PRMT8: variants seen among roughly 807,000 people sequenced by gnomAD.
PRMT8 encodes the protein protein arginine N-methyltransferase 8.
Under a neutral mutation model 47.1 loss-of-function variants are expected in PRMT8, and 7 were observed. The ratio of observed to expected loss-of-function variants is 0.15; its 90% CI spans 0.08 to 0.28. The LOEUF is 0.28. PRMT8 is among the 10% of genes least tolerant of loss of function. PRMT8 has a pLI of 1.00. For synonymous variants in PRMT8, 188 were observed against 186.5 expected (o/e 1.01, Z -0.07); for missense variants, 237 against 505.4 (o/e 0.47, Z 5.09).
chr12:3,553,775 T>G, intron 4 of PRMT8, 61 bp downstream of exon 4: 1 of 1,450,782 alleles, frequency 6.9e-7, no homozygotes, highest in Non-Finnish European at 9.7e-7. Flanking sequence ...CACACTTTCT[T>G]GTTGGGATGG....
chr12:3,465,229 A>AAT (rs892995214), intron 1 of PRMT8, among the ~76,000 whole-genome samples: 2 of 142,774 alleles, frequency 1.4e-5, no homozygotes, highest in African/African-American at 2.6e-5. Flanking sequence ...ATAAATATAA[A>AAT]ATATATATAT....
intron 8 of PRMT8, among the ~76,000 whole-genome samples, chr12:3,584,042 A>G (rs1867121799): frequency 6.6e-6 from 1 of 152,158 alleles, no homozygotes; most frequent in African/African-American, 2.4e-5. Flanking sequence ...CTTCTCCTGT[A>G]TCAGTCTGTG....
At chr12:3,482,283 T>C (rs1285602951) in intron 1 of PRMT8, among the ~76,000 whole-genome samples, 2 of 152,128 alleles carry the variant, frequency 1.3e-5, no homozygotes, top group South Asian at 2.1e-4. Flanking sequence ...TCTTTGTAGG[T>C]TGGAAAAGAG....
intron 2 of PRMT8, among the ~76,000 whole-genome samples, chr12:3,544,257 T>C (rs2137169429): frequency 6.6e-6 from 1 of 152,310 alleles, no homozygotes; most frequent in East Asian, 1.9e-4. Flanking sequence ...GACCTCTTCT[T>C]TTGGCAAGTC....
At chr12:3,496,536 A>C (rs770484924) in intron 1 of PRMT8, among the ~76,000 whole-genome samples, 9 of 151,922 alleles carry the variant, frequency 5.9e-5, no homozygotes, top group Non-Finnish European at 8.8e-5. Context: ...GAGTGTGTAC[A>C]CTAACTAGTA....
chr12:3,560,805 G>A (rs2137193348), intron 4 of PRMT8, among the ~76,000 whole-genome samples: 1 of 152,258 alleles, frequency 6.6e-6, no homozygotes, highest in South Asian at 2.1e-4. Context: ...TGGTAGGGAG[G>A]ACTTTGTCAA....
chr12:3,388,232 C>G (rs1483183966), intron 1 of PRMT8, among the ~76,000 whole-genome samples: 1 of 152,258 alleles, frequency 6.6e-6, no homozygotes, highest in East Asian at 1.9e-4. Flanking sequence ...AGAGTTCAAG[C>G]TTCTTGTTTT....
chr12:3,434,968 C>CTTTTT (rs398044252), intron 1 of PRMT8, among the ~76,000 whole-genome samples: 2,161 of 130,594 alleles, frequency 0.017, 75 homozygotes, highest in African/African-American at 0.059. Flanking sequence ...TTGCTTTGCT[C>CTTTTT]TTTTTTTTTT....
intron 1 of PRMT8, among the ~76,000 whole-genome samples, chr12:3,433,643 G>C (rs186805851): frequency 3.3e-5 from 5 of 151,752 alleles, no homozygotes; most frequent in African/African-American, 1.2e-4. Flanking sequence ...ATGAAGTCTC[G>C]CTCTGTCACC....
chr12:3,418,370 G>C (rs1010311282), intron 1 of PRMT8, among the ~76,000 whole-genome samples: 1 of 152,202 alleles, frequency 6.6e-6, no homozygotes, highest in Admixed American at 6.5e-5. Flanking sequence ...AGAAAAGGGG[G>C]CATGGCCTGA....
chr12:3,431,987 G>A (rs1471019580), intron 1 of PRMT8, among the ~76,000 whole-genome samples: 2 of 152,240 alleles, frequency 1.3e-5, no homozygotes, highest in African/African-American at 2.4e-5. Flanking sequence ...TAAAGACAGA[G>A]GAGTTTGGAA....
chr12:3,479,585 T>C (rs1308037721), intron 1 of PRMT8, among the ~76,000 whole-genome samples: 1 of 152,150 alleles, frequency 6.6e-6, no homozygotes, highest in African/African-American at 2.4e-5. Context: ...AAAAAAATAC[T>C]CCCCTAAAGA....
intron 4 of PRMT8, among the ~76,000 whole-genome samples, chr12:3,554,850 A>C (rs1420103608): frequency 6.6e-6 from 1 of 152,102 alleles, no homozygotes; most frequent in East Asian, 1.9e-4. Context: ...AGCCCTTGCC[A>C]TGCTCCCTGC....
chr12:3,534,903 C>A (rs1866091485), intron 1 of PRMT8, among the ~76,000 whole-genome samples: 1 of 152,220 alleles, frequency 6.6e-6, no homozygotes, highest in Non-Finnish European at 1.5e-5. Flanking sequence ...TGGGCCCTGG[C>A]AAATGACTGG....
chr12:3,517,774 G>A (rs1015331656), intron 1 of PRMT8, among the ~76,000 whole-genome samples: 8 of 152,060 alleles, frequency 5.3e-5, no homozygotes, highest in African/African-American at 1.9e-4. Flanking sequence ...CAGATAGTCC[G>A]CTGGGGAGAA....
At chr12:3,405,741 C>T (rs567602163) in intron 1 of PRMT8, among the ~76,000 whole-genome samples, 1 of 152,348 alleles carries the variant, frequency 6.6e-6, no homozygotes, top group South Asian at 2.1e-4. Flanking sequence ...CATGCTGATG[C>T]AAGAGGTGGG....
At chr12:3,476,148 C>A (rs1347062002) in intron 1 of PRMT8, among the ~76,000 whole-genome samples, 1 of 152,160 alleles carries the variant, frequency 6.6e-6, no homozygotes, top group East Asian at 1.9e-4. Flanking sequence ...CACTTTCTAG[C>A]CCTACTGGGA....
At chr12:3,582,928 C>T (rs1867096939) in intron 7 of PRMT8, 130 bp from the exon 8 acceptor site, 2 of 1,134,910 alleles carry the variant, frequency 1.8e-6, no homozygotes, top group African/African-American at 1.6e-5. Context: ...CCTGGGAAAT[C>T]ACCCCAAGAA....
In PRMT8 at chr12:3,433,716, A is replaced by G. The variant is rs144335262; in HGVS notation, c.48+52274A>G. Among the ~76,000 whole-genome samples, 286 of 152,216 alleles carry G rather than the reference A, an allele frequency of 1.9e-3. 1 individual carries two copies. Among genetic ancestry groups the G allele is most frequent in the African/African-American group, 6.8e-3 (281 of 41,526 alleles). On this transcript the variant is annotated intron_variant, in intron 1 of 9. Coordinates refer to the PRMT8 transcript ENST00000452611. The stretch of plus-strand genomic sequence containing the variant: ...AACCTCGGCCTCCCGGGTTCAAGCA[A>G]TTCTCCTGCCTCATTCTCCCGACTA...
Sources: gnomAD v4.1 joint callset for allele counts (sites outside exome capture counted in the v4.1 genomes callset) on GRCh38, gnomAD v4.1.1 for gene constraint, MANE v1.5 for transcripts, NCBI Gene and HGNC (gene_info 2026-07-23, HGNC 2026-07-21) for gene names.